The following TFDP2 variants were observed in gnomAD, a reference collection of about 807,000 sequenced individuals.
The protein encoded by TFDP2 is transcription factor Dp-2, also known as transcription factor Dp-2 (E2F dimerization partner 2).
A neutral mutation model predicts 59.3 loss-of-function variants in TFDP2; 17 were observed. The observed-to-expected ratio is 0.29, with a 90% confidence interval of 0.20 to 0.43. TFDP2 has a LOEUF of 0.43. TFDP2 is among the 20% of genes least tolerant of loss of function. TFDP2 has a pLI of 1.00. For synonymous variants in TFDP2, 180 were observed against 194.7 expected (o/e 0.92, Z 0.63); for missense variants, 391 against 528.8 (o/e 0.74, Z 2.56).
chr3:141,952,846 C>G (rs1936086986), intron 12 of TFDP2, 65 bp downstream of exon 12: 2 of 1,565,502 alleles, frequency 1.3e-6, no homozygotes, highest in Non-Finnish European at 1.8e-6. Context: ...ATGACCCCGG[C>G]TCACCCCTAC....
At chr3:142,129,605 A>T (rs1258986340) in intron 1 of TFDP2, among the ~76,000 whole-genome samples, 1 of 152,062 alleles carries the variant, frequency 6.6e-6, no homozygotes, top group African/African-American at 2.4e-5. Flanking sequence ...TAATGCAACA[A>T]TTTTTAAAAA....
Position 141,978,687 on chromosome 3 carries a change from A to G in TFDP2, c.357-5T>C. ...TCTCCTTTTTTGCTTCGTTTACTAGAAGGGAAAAAAGTTTTTTTTACTCCA... is the reference window on the plus strand; with the variant it reads ...TCTCCTTTTTTGCTTCGTTTACTAGGAGGGAAAAAAGTTTTTTTTACTCCA... On this transcript the variant is annotated splice_region_variant and splice_polypyrimidine_tract_variant and intron_variant, in intron 6 of 12. Transcript: ENST00000489671. 6.3e-7 allele frequency: 1 copy of G among 1,592,946 alleles called. No individual in the cohort carries two copies. The highest frequency in any genetic ancestry group is 8.5e-7 in the Non-Finnish European group (1 of 1,173,268).
intron 3 of TFDP2, among the ~76,000 whole-genome samples, chr3:142,055,414 A>G (rs1377426470): frequency 6.6e-6 from 1 of 152,212 alleles, no homozygotes; most frequent in Non-Finnish European, 1.5e-5. Context: ...TGTACCTACC[A>G]TGTGCCAAAA....
chr3:142,145,748 G>GA (rs1214729278), intron 1 of TFDP2, among the ~76,000 whole-genome samples: 3 of 143,614 alleles, frequency 2.1e-5, no homozygotes, highest in Admixed American at 7.0e-5. Context: ...ATCCTTTTCC[G>GA]AAAAAAAAGA....
chr3:142,011,642 AAAC>A (rs1349223579), intron 3 of TFDP2, among the ~76,000 whole-genome samples: 28 of 151,714 alleles, frequency 1.8e-4, no homozygotes, highest in Admixed American at 1.3e-3. Context: ...GAAAAAAAAA[AAAC>A]AACAAACTTT....
intron 1 of TFDP2, among the ~76,000 whole-genome samples, chr3:142,107,584 C>A (rs1201462638): frequency 1.3e-5 from 2 of 152,092 alleles, no homozygotes; most frequent in Non-Finnish European, 2.9e-5. Context: ...CTTACGTGAG[C>A]AGCATATCTA....
At chr3:142,119,173 TACATTCCAAGAAA>T (rs1441244722) in intron 1 of TFDP2, among the ~76,000 whole-genome samples, 1 of 151,554 alleles carries the variant, frequency 6.6e-6, no homozygotes, top group Non-Finnish European at 1.5e-5. Context: ...AAAAAAAAAG[TACATTCCAAGAAA>T]ACATTCCAGA....
chr3:141,961,538 C>T (rs947320658), intron 10 of TFDP2, among the ~76,000 whole-genome samples: 7 of 151,942 alleles, frequency 4.6e-5, no homozygotes, highest in African/African-American at 1.7e-4. Context: ...CCACCGTGCC[C>T]GGCCTGAATT....
chr3:142,119,480 T>TAG (rs1553810827), intron 1 of TFDP2, among the ~76,000 whole-genome samples: 9 of 152,194 alleles, frequency 5.9e-5, no homozygotes, highest in Non-Finnish European at 1.2e-4. Context: ...AAGCTGTCCT[T>TAG]AGAGTTTCAA....
chr3:141,973,631 T>C (rs1940172360), intron 8 of TFDP2, among the ~76,000 whole-genome samples: 1 of 151,696 alleles, frequency 6.6e-6, no homozygotes. Flanking sequence ...CTTCCACAGC[T>C]ATATTCAGAA....
In TFDP2 at chr3:142,012,015, C is replaced by CTTT. The variant is rs1248723479; in HGVS notation, c.83-6474_83-6472dup. ...TACACTTTTTTTTCTTTCTTTCTTT[C>CTTT]TTTTTTTTTTTTTTTGAGACAGAGT... On this transcript the variant is annotated intron_variant, in intron 3 of 12. Coordinates refer to ENST00000489671, the MANE Select transcript of TFDP2 (RefSeq NM_001178139.2). Among the ~76,000 whole-genome samples, 135 of 138,224 alleles carry CTTT rather than the reference C, an allele frequency of 9.8e-4. 2 individuals are homozygous for CTTT. Among genetic ancestry groups the CTTT allele is most frequent in the South Asian group, 6.8e-3 (30 of 4,392 alleles). The allele number at this position is 138,224 out of a possible 152,430, so 90.7% of individuals were successfully genotyped here. A position where few individuals can be genotyped will look rare whatever the true frequency, so the allele number is the denominator to read the frequency against.
chr3:141,992,061 G>A (rs1336218592), intron 6 of TFDP2, among the ~76,000 whole-genome samples: 31 of 107,376 alleles, frequency 2.9e-4, no homozygotes, highest in South Asian at 2.9e-4. Context: ...AAAAAAGAAA[G>A]AAAAGAAAGA....
intron 1 of TFDP2, among the ~76,000 whole-genome samples, chr3:142,146,245 A>C (rs2063170640): frequency 6.6e-6 from 1 of 152,220 alleles, no homozygotes; most frequent in Non-Finnish European, 1.5e-5. Context: ...TATTCTATTA[A>C]AGAATTGAGA....
chr3:141,976,586 T>C (rs1940672564), intron 7 of TFDP2, among the ~76,000 whole-genome samples: 1 of 152,168 alleles, frequency 6.6e-6, no homozygotes, highest in Non-Finnish European at 1.5e-5. Context: ...AAGACTGCTC[T>C]AGGCAAAGCA....
chr3:142,101,471 G>A (rs145244498), intron 2 of TFDP2, among the ~76,000 whole-genome samples: 28 of 152,272 alleles, frequency 1.8e-4, no homozygotes, highest in Middle Eastern at 3.4e-3. Context: ...AGGAGGGCAG[G>A]GTGGGAAACC....
intron 6 of TFDP2, among the ~76,000 whole-genome samples, chr3:141,984,211 T>TA (rs1456339444): frequency 1.9e-4 from 29 of 152,114 alleles, no homozygotes; most frequent in Non-Finnish European, 3.8e-4. Flanking sequence ...CATAAAAAGA[T>TA]AAATATTGGG....
intron 5 of TFDP2, chr3:141,994,753 T>A (rs1160814997): frequency 9.3e-5 from 24 of 257,566 alleles, no homozygotes; most frequent in East Asian, 3.6e-4. Flanking sequence ...AGTTAAATAT[T>A]ATAATAATAA....
intron 1 of TFDP2, among the ~76,000 whole-genome samples, chr3:142,112,140 A>G (rs1228579998): frequency 6.6e-6 from 1 of 152,208 alleles, no homozygotes; most frequent in Non-Finnish European, 1.5e-5. Context: ...CATCTGAACC[A>G]AAGACAGAAC....
chr3:142,062,003 T>C (rs1391019193), intron 3 of TFDP2, among the ~76,000 whole-genome samples: 2 of 150,800 alleles, frequency 1.3e-5, no homozygotes, highest in Non-Finnish European at 2.9e-5. Context: ...ACAGATTTTC[T>C]TCTGCCTCTG....
Sources: gnomAD v4.1 joint callset for allele counts (sites outside exome capture counted in the v4.1 genomes callset) on GRCh38, gnomAD v4.1.1 for gene constraint, MANE v1.5 for transcripts, NCBI Gene and HGNC (gene_info 2026-07-23, HGNC 2026-07-21) for gene names.